WDR76: variants seen among roughly 807,000 people sequenced by gnomAD.
WDR76 encodes the protein WD repeat domain 76, also known as WD repeat-containing protein 76.
A neutral mutation model predicts 70.2 loss-of-function variants in WDR76; 52 were observed. The ratio of observed to expected loss-of-function variants is 0.74; its 90% CI spans 0.59 to 0.93. The LOEUF (loss-of-function observed/expected upper bound fraction) is 0.93, where lower values mean the gene tolerates loss of function less well. WDR76 is among the 40% of genes least tolerant of loss of function. The probability of loss-of-function intolerance (pLI) is 0.00; values close to 1 mark genes in which losing one functional copy is unlikely to be tolerated. For synonymous variants in WDR76, 292 were observed against 271.1 expected, an observed-to-expected ratio of 1.08 and a Z score of -0.76; for missense variants, 756 against 760.2, an observed-to-expected ratio of 0.99 and a Z score of 0.07.
chr15:43,831,521 C>T (rs1186459783), intron 2 of WDR76, among the ~76,000 whole-genome samples: 1 of 151,964 alleles, frequency 6.6e-6, no homozygotes, highest in Non-Finnish European at 1.5e-5. Context: ...TCACTGCAAC[C>T]TTCACCTCCC....
chr15:43,829,433 A>G (rs1268382848), intron 2 of WDR76, among the ~76,000 whole-genome samples: 1 of 151,124 alleles, frequency 6.6e-6, no homozygotes, highest in Non-Finnish European at 1.5e-5. Flanking sequence ...ACCAGGACTC[A>G]TAGTGGGACA....
At position 43,855,066 on chromosome 15, in the gene WDR76, C is replaced by A. The variant is rs143124781; in HGVS notation, c.1192-1880C>A. 3.0e-4 allele frequency among the ~76,000 whole-genome samples: 45 copies of A among 152,258 alleles called. 1 individual carries two copies. The highest frequency in any genetic ancestry group is 1.5e-4 in the Non-Finnish European group (10 of 68,028). On this transcript the variant is annotated intron_variant, in intron 9 of 12. Coordinates refer to ENST00000263795, the MANE Select transcript of WDR76 (RefSeq NM_024908.4). ...GCAACTACTGAAGTGATTACTGTCCCCATAGTTTTGCCTTTTTCTGAATGT... is the reference window on the plus strand; with the variant it reads ...GCAACTACTGAAGTGATTACTGTCCACATAGTTTTGCCTTTTTCTGAATGT...
In WDR76 at chr15:43,856,970, T is replaced by A. The variant is rs1177044471; in HGVS notation, c.1216T>A (p.Phe406Ile). ...EEVYRNERSS[F>I]SSFDFLAEDA... is the part of the protein sequence containing the mutation. The stretch of plus-strand genomic sequence containing the variant: ...GGTGTATAGAAATGAAAGAAGTAGC[T>A]TTTCCTCCTTCGACTTCTTGGCAGA... The change falls in exon 10 of 13, where the codon TTT becomes ATT. Residue 406 changes from phenylalanine (F) to isoleucine (I), a missense_variant. Transcript: ENST00000263795. 6.2e-7 allele frequency: 1 copy of A among 1,614,040 alleles called. No individual in the cohort carries two copies. Among genetic ancestry groups the A allele is most frequent in the Non-Finnish European group, 8.5e-7 (1 of 1,179,944 alleles).
At position 43,827,043 on chromosome 15, in the gene WDR76, C is replaced by A; in HGVS notation, c.11C>A (p.Ser4Ter). The A allele has an allele frequency of 6.2e-7, 1 of 1,614,092 alleles. No individual in the cohort carries two copies. The highest frequency in any genetic ancestry group is 1.1e-5 in the South Asian group (1 of 91,082). The change falls in exon 1 of 13, where the codon TCG (serine) becomes TAG (stop). Residue 4 changes from serine (S) to a stop codon, truncating the protein, a stop_gained. Transcript: ENST00000263795. LOFTEE classifies it high-confidence loss of function. ...CTAAGAAGCCGAAAGATGTCCAGGT[C>A]GGGCGCGGCGGCTGAGAAGGCGGAC... is the stretch of plus-strand genomic sequence containing the variant. MSR[S>*]GAAAEKADSR...
rs1036627327 is a variant in WDR76, at chr15:43,846,591, C to T, written c.1032+2537C>T. 2.6e-5 allele frequency among the ~76,000 whole-genome samples: 4 copies of T among 151,138 alleles called. 1 individual carries two copies. The highest frequency in any genetic ancestry group is 7.3e-5 in the African/African-American group (3 of 41,274). On this transcript the variant is annotated intron_variant, in intron 8 of 12. Coordinates refer to ENST00000263795, the MANE Select transcript of WDR76 (RefSeq NM_024908.4). ...GAGCCACCACACCCATCTGAGACTA[C>T]TTTTTGAAGAATTTTGCAAAGGAAA...
In WDR76 at chr15:43,843,986, C is replaced by T; in HGVS notation, c.964C>T (p.His322Tyr). 6.2e-7 allele frequency: 1 copy of T among 1,613,918 alleles called. No homozygotes were observed. Among genetic ancestry groups the T allele is most frequent in the Non-Finnish European group, 8.5e-7 (1 of 1,179,900 alleles). The change falls in exon 8 of 13, where the codon CAT (histidine) becomes TAT (tyrosine). Residue 322 changes from histidine (H) to tyrosine (Y), a missense_variant. Physicochemically the swap from His to Tyr is moderately conservative, Grantham distance 83. Coordinates refer to ENST00000263795, the MANE Select transcript of WDR76 (RefSeq NM_024908.4). ...TTGPIFSMAL[H>Y]PSETRTLVAV... ...AGGCCCAATATTCTCTATGGCTCTC[C>T]ATCCATCAGAAACTAGAACTTTGGT...
Position 43,868,277 on chromosome 15 carries a change from A to G in WDR76, c.*1885A>G. 1 of 152,198 alleles carries G rather than the reference A, an allele frequency of 6.6e-6. No homozygotes were observed. Among genetic ancestry groups the G allele is most frequent in the East Asian group, 1.9e-4 (1 of 5,198 alleles). 9.4% of individuals were successfully genotyped at this position (152,198 alleles called of 1,614,324 possible). A position where few individuals can be genotyped will look rare whatever the true frequency, so the allele number is the denominator to read the frequency against. Reference sequence around the variant, plus strand: ...TAATCTCATGGGTTCTAGAGTGGTTAGTTCTACGGGAATTGTTTTTGTTTT... The same window carrying G: ...TAATCTCATGGGTTCTAGAGTGGTTGGTTCTACGGGAATTGTTTTTGTTTT... On this transcript the variant is annotated 3_prime_UTR_variant, in exon 13 of 13. Transcript: ENST00000263795.
intron 12 of WDR76, among the ~76,000 whole-genome samples, 186 bp downstream of exon 12, chr15:43,861,572 G>C (rs961217338): frequency 6.6e-6 from 1 of 152,236 alleles, no homozygotes; most frequent in Non-Finnish European, 1.5e-5. Context: ...CCCTGTGTCT[G>C]TAGAGGTTCA....
chr15:43,850,701 T>C lies in WDR76; in HGVS notation c.1033-386T>C, dbSNP rs1001243187. Among the ~76,000 whole-genome samples, 12 of 152,182 alleles carry C rather than the reference T, an allele frequency of 7.9e-5. 1 individual carries two copies. The highest frequency in any genetic ancestry group is 7.2e-4 in the Admixed American group (11 of 15,270). ...ACTGAGAATGAGTAAGTTAATATTA[T>C]ACAGAAGAAGCCTGCTGCAGAAGCA... On this transcript the variant is annotated intron_variant, in intron 8 of 12. Coordinates refer to ENST00000263795, the MANE Select transcript of WDR76 (RefSeq NM_024908.4).
At chr15:43,866,101 T>TA (rs2088066475) in intron 12 of WDR76, 27 bp from the exon 13 acceptor site, 1 of 1,609,612 alleles carries the variant, frequency 6.2e-7, no homozygotes, top group African/African-American at 1.3e-5. Context: ...TTACTTCATT[T>TA]AAAAAATATA....
chr15:43,839,328 C>T (rs982376926), intron 4 of WDR76, among the ~76,000 whole-genome samples: 7 of 152,154 alleles, frequency 4.6e-5, no homozygotes, highest in Non-Finnish European at 8.8e-5. Flanking sequence ...GGGTTCCTTT[C>T]AGCAGTGCAT....
intron 8 of WDR76, among the ~76,000 whole-genome samples, chr15:43,845,031 G>A (rs1401962798): frequency 4.4e-5 from 6 of 136,642 alleles, no homozygotes; most frequent in African/African-American, 1.6e-4. Flanking sequence ...GTGTGATCTC[G>A]GCTCACTGCA....
chr15:43,835,379 C>T (rs966217973), intron 3 of WDR76, among the ~76,000 whole-genome samples: 2 of 143,278 alleles, frequency 1.4e-5, no homozygotes, highest in African/African-American at 5.2e-5. Flanking sequence ...GTCCTAGCTA[C>T]TGGGGTGGCT....
At chr15:43,834,301 T>A (rs1172112034) in intron 2 of WDR76, among the ~76,000 whole-genome samples, 1 of 149,082 alleles carries the variant, frequency 6.7e-6, no homozygotes, top group Non-Finnish European at 1.5e-5. Flanking sequence ...AAAATAACTT[T>A]TTTTTTTTTT....
At chr15:43,850,904 AAGTT>A (rs2087849738) in intron 8 of WDR76, among the ~76,000 whole-genome samples, 179 bp from the exon 9 acceptor site, 1 of 152,196 alleles carries the variant, frequency 6.6e-6, no homozygotes, top group African/African-American at 2.4e-5. Context: ...AACTAGAAAA[AAGTT>A]AATGACAAGA....
At chr15:43,839,933 C>T (rs1315863430) in intron 5 of WDR76, among the ~76,000 whole-genome samples, 2 of 152,136 alleles carry the variant, frequency 1.3e-5, no homozygotes, top group African/African-American at 2.4e-5. Flanking sequence ...TCTTGCCTCA[C>T]TGCAACCCCC....
Position 43,842,632 on chromosome 15 carries a change from G to T in WDR76, c.839G>T (p.Ser280Ile). 1 of 1,609,898 alleles carries T rather than the reference G, an allele frequency of 6.2e-7. No individual in the cohort carries two copies. Among genetic ancestry groups the T allele is most frequent in the Non-Finnish European group, 8.5e-7 (1 of 1,178,806 alleles). Residue 280 changes from serine to isoleucine, a missense_variant, in exon 7 of 13, where the codon AGT becomes ATT. By Grantham distance (142) the Ser-to-Ile change is moderately radical. Transcript: ENST00000263795. ...LHTWAGMSKPSSKNTEKGLSS... is the reference protein window; with the variant it reads ...LHTWAGMSKPISKNTEKGLSS... ...TCATCTCTCCCAATGTTTCAGCCAA[G>T]TAGTAAGAACACTGAGAAGGGATTA...
intron 6 of WDR76, 35 bp from the exon 7 acceptor site, chr15:43,842,593 C>G: frequency 6.2e-7 from 1 of 1,600,782 alleles, no homozygotes; most frequent in Non-Finnish European, 8.5e-7. Context: ...TATATACATA[C>G]TAACTTAGTT....
intron 2 of WDR76, among the ~76,000 whole-genome samples, chr15:43,833,084 A>G (rs557329980): frequency 1.3e-5 from 2 of 151,800 alleles, no homozygotes; most frequent in South Asian, 4.2e-4. Flanking sequence ...TTATGCATCC[A>G]AAGGCTGCAT....
Sources: gnomAD v4.1 joint callset for allele counts (sites outside exome capture counted in the v4.1 genomes callset) on GRCh38, gnomAD v4.1.1 for gene constraint, MANE v1.5 for transcripts, NCBI Gene and HGNC (gene_info 2026-07-23, HGNC 2026-07-21) for gene names.